DOCK8: variants seen among roughly 807,000 people sequenced by gnomAD.
The protein encoded by DOCK8 is dedicator of cytokinesis protein 8.
A neutral mutation model predicts 245.6 loss-of-function variants in DOCK8; 141 were observed. The ratio of observed to expected loss-of-function variants is 0.57; its 90% CI spans 0.50 to 0.66. The LOEUF (loss-of-function observed/expected upper bound fraction) is 0.66. DOCK8 is among the 30% of genes least tolerant of loss of function. The pLI is 0.00. For missense variants in DOCK8, 2,965 were observed against 2,603.4 expected, an observed-to-expected ratio of 1.14 and a Z score of -3.02; for synonymous variants, 1,168 against 970.2, an observed-to-expected ratio of 1.20 and a Z score of -3.79.
At chr9:301,190 C>T (rs1211518401) in intron 4 of DOCK8, among the ~76,000 whole-genome samples, 1 of 152,138 alleles carries the variant, frequency 6.6e-6, no homozygotes, top group Non-Finnish European at 1.5e-5. Context: ...GTTCACCATA[C>T]ACAAATCAAT....
intron 1 of DOCK8, among the ~76,000 whole-genome samples, chr9:216,334 G>A (rs2046750634): frequency 6.6e-6 from 1 of 151,960 alleles, no homozygotes; most frequent in Non-Finnish European, 1.5e-5. Flanking sequence ...TTTGAGACCA[G>A]CCTGGGCAAC....
chr9:437,017 G>A (rs755933325), intron 39 of DOCK8, among the ~76,000 whole-genome samples: 2 of 152,182 alleles, frequency 1.3e-5, no homozygotes, highest in Admixed American at 6.5e-5. Context: ...AATGAGTTAG[G>A]TGTTGTCAGC....
At chr9:374,453 G>GT (rs762085208) in intron 18 of DOCK8, among the ~76,000 whole-genome samples, 41,942 of 75,602 alleles carry the variant, frequency 0.55, 12,122 homozygotes, top group East Asian at 0.74. Context: ...GTCCTTTTGT[G>GT]TTTTTTTTTT....
chr9:229,923 CT>C (rs1214519228), intron 1 of DOCK8, among the ~76,000 whole-genome samples: 2 of 150,444 alleles, frequency 1.3e-5, no homozygotes, highest in Non-Finnish European at 3.0e-5. Context: ...TATTATTATA[CT>C]TTAAGTTTTA....
intron 22 of DOCK8, among the ~76,000 whole-genome samples, chr9:384,569 A>C (rs889038886): frequency 6.6e-6 from 1 of 152,198 alleles, no homozygotes; most frequent in African/African-American, 2.4e-5. Context: ...TCATCTCTGC[A>C]GAGGTCCTGG....
chr9:419,507 AG>A (rs2056184514), intron 30 of DOCK8, among the ~76,000 whole-genome samples: 1 of 152,232 alleles, frequency 6.6e-6, no homozygotes, highest in Non-Finnish European at 1.5e-5. Context: ...AGTCCTTGTG[AG>A]GTTGTATCTC....
chr9:340,452 C>G, intron 14 of DOCK8, 131 bp downstream of exon 14: 7 of 1,175,546 alleles, frequency 6.0e-6, no homozygotes, highest in Middle Eastern at 2.7e-4. Flanking sequence ...AAAACCGTGT[C>G]TCTACAACAT....
intron 1 of DOCK8, among the ~76,000 whole-genome samples, chr9:236,040 G>A (rs904888106): frequency 2.0e-5 from 3 of 152,250 alleles, no homozygotes; most frequent in East Asian, 3.9e-4. Flanking sequence ...CGGCCATCTT[G>A]GCTCCTCCCC....
At chr9:311,501 C>T (rs1415860333) in intron 5 of DOCK8, among the ~76,000 whole-genome samples, 1 of 151,778 alleles carries the variant, frequency 6.6e-6, no homozygotes, top group African/African-American at 2.4e-5. Context: ...AGTCCTCCCA[C>T]CTTGTCTACC....
intron 26 of DOCK8, among the ~76,000 whole-genome samples, chr9:400,985 T>TTAGCTCCACCATCACCACCA (rs1564017104): frequency 2.6e-5 from 2 of 75,834 alleles, no homozygotes. Context: ...CATCACCACC[T>TTAGCTCCACCATCACCACCA]CCTCCACCAC....
At chr9:386,486 C>G in intron 23 of DOCK8, 60 bp downstream of exon 23, 2 of 1,447,784 alleles carry the variant, frequency 1.4e-6, no homozygotes, top group South Asian at 1.2e-5. Context: ...TTTCCTCATG[C>G]CCTCACACTG....
chr9:281,731 C>CTTTTTTA (rs961489072), intron 2 of DOCK8, among the ~76,000 whole-genome samples: 1 of 151,972 alleles, frequency 6.6e-6, no homozygotes, highest in African/African-American at 2.4e-5. Flanking sequence ...GAACAGAAAT[C>CTTTTTTA]TTTTTTAGTT....
intron 33 of DOCK8, among the ~76,000 whole-genome samples, chr9:425,480 C>G (rs536018097): frequency 7.1e-6 from 1 of 140,028 alleles, no homozygotes; most frequent in Non-Finnish European, 1.5e-5. Flanking sequence ...TGCGGTGAGC[C>G]AAGATTGCGC....
At chr9:313,650 A>G (rs2050220905) in intron 6 of DOCK8, among the ~76,000 whole-genome samples, 2 of 152,242 alleles carry the variant, frequency 1.3e-5, no homozygotes, top group Non-Finnish European at 2.9e-5. Context: ...ACAAAGTCTC[A>G]GGCGGGAGGA....
intron 4 of DOCK8, among the ~76,000 whole-genome samples, chr9:301,514 G>C (rs1441108004): frequency 6.6e-6 from 1 of 152,164 alleles, no homozygotes; most frequent in African/African-American, 2.4e-5. Context: ...GCAAGAAAAA[G>C]AAATAAAAGA....
At chr9:268,187 T>A (rs1337862811) in intron 1 of DOCK8, 1 of 152,244 alleles carries the variant, frequency 6.6e-6, no homozygotes, top group Non-Finnish European at 1.5e-5. Flanking sequence ...GTGGAATGAT[T>A]CACTATTTTC....
intron 5 of DOCK8, among the ~76,000 whole-genome samples, chr9:311,634 C>A (rs959953904): frequency 2.6e-5 from 4 of 151,992 alleles, no homozygotes; most frequent in Admixed American, 6.6e-5. Flanking sequence ...GAGGCTTGGC[C>A]CCCCCAGCCC....
At chr9:387,922 T>A (rs2054022516) in intron 23 of DOCK8, among the ~76,000 whole-genome samples, 1 of 152,220 alleles carries the variant, frequency 6.6e-6, no homozygotes, top group South Asian at 2.1e-4. Flanking sequence ...AGAGACATTT[T>A]ATTTCAAAGG....
chr9:408,062 A>C (rs754038879), intron 28 of DOCK8, among the ~76,000 whole-genome samples: 14 of 152,212 alleles, frequency 9.2e-5, no homozygotes, highest in Non-Finnish European at 1.6e-4. Context: ...CTCCCTGCAC[A>C]GGGAACCTGT....
Sources: allele counts gnomAD v4.1 joint callset (sites outside exome capture counted in the v4.1 genomes callset), GRCh38; gene constraint gnomAD v4.1.1; transcripts MANE v1.5; gene names NCBI Gene and HGNC (gene_info 2026-07-23, HGNC 2026-07-21).